Variants in UTP20 observed in about 807,000 individuals in gnomAD.
UTP20 encodes the protein UTP20 small subunit processome component, also known as small subunit processome component 20 homolog.
UTP20 carries 164 observed loss-of-function variants against 329.5 expected under a neutral mutation model. The ratio of observed to expected loss-of-function variants is 0.50; its 90% CI spans 0.44 to 0.57. UTP20 has a LOEUF of 0.57. UTP20 is among the 20% of genes least tolerant of loss of function. The probability of loss-of-function intolerance (pLI) is 0.00; values close to 1 mark genes in which losing one functional copy is unlikely to be tolerated. For missense variants in UTP20, 3,055 were observed against 3,284.2 expected (o/e 0.93, Z 1.71); for synonymous variants, 1,151 against 1,159.3 (o/e 0.99, Z 0.14).
chr12:101,339,928 T>C (rs367914330), intron 31 of UTP20, among the ~76,000 whole-genome samples: 1 of 152,242 alleles, frequency 6.6e-6, no homozygotes, highest in Non-Finnish European at 1.5e-5. Flanking sequence ...TTCTAAGTTA[T>C]GCAGAGTGGG....
At chr12:101,285,381 T>C (rs1370103514) in intron 2 of UTP20, among the ~76,000 whole-genome samples, 189 bp from the exon 3 acceptor site, 1 of 152,212 alleles carries the variant, frequency 6.6e-6, no homozygotes, top group Non-Finnish European at 1.5e-5. Flanking sequence ...CAGCATTTTA[T>C]AAGTGGCCTA....
At chr12:101,313,544 G>A (rs1872864594) in intron 21 of UTP20, among the ~76,000 whole-genome samples, 1 of 152,166 alleles carries the variant, frequency 6.6e-6, no homozygotes, top group African/African-American at 2.4e-5. Context: ...AGAGAGACCA[G>A]TCATGAGGAG....
chr12:101,348,365 A>G (rs779739680), intron 38 of UTP20, among the ~76,000 whole-genome samples: 6 of 151,200 alleles, frequency 4.0e-5, no homozygotes, highest in African/African-American at 1.2e-4. Context: ...TCTTTTTTCT[A>G]TTGGATTAAT....
chr12:101,358,893 T>A (rs1318343671), intron 43 of UTP20, among the ~76,000 whole-genome samples: 1 of 152,184 alleles, frequency 6.6e-6, no homozygotes, highest in Non-Finnish European at 1.5e-5. Flanking sequence ...GTTGTCCCCC[T>A]CTTACTAATA....
At chr12:101,284,582 T>C (rs1192123980) in intron 2 of UTP20, among the ~76,000 whole-genome samples, 1 of 152,146 alleles carries the variant, frequency 6.6e-6, no homozygotes, top group East Asian at 1.9e-4. Flanking sequence ...GGTAGAATGA[T>C]TGTTTTGGGG....
intron 59 of UTP20, 101 bp downstream of exon 59, chr12:101,383,414 G>C: frequency 6.7e-7 from 1 of 1,487,988 alleles, no homozygotes. Context: ...CTTTATCTTT[G>C]AACCCCAAAC....
intron 51 of UTP20, among the ~76,000 whole-genome samples, chr12:101,372,388 G>C (rs143843273): frequency 3.7e-4 from 57 of 152,322 alleles, no homozygotes; most frequent in Non-Finnish European, 7.2e-4. Context: ...CTATTATCAC[G>C]AACTTCTTAA....
intron 21 of UTP20, among the ~76,000 whole-genome samples, chr12:101,312,994 G>A (rs1211837320): frequency 6.6e-6 from 1 of 152,102 alleles, no homozygotes; most frequent in Non-Finnish European, 1.5e-5. Flanking sequence ...TTGCCTGCCT[G>A]GGGCTTGAAG....
At chr12:101,342,677 C>T (rs1156563717) in intron 33 of UTP20, 88 bp downstream of exon 33, 16 of 1,530,562 alleles carry the variant, frequency 1.0e-5, no homozygotes, top group Non-Finnish European at 1.4e-5. Context: ...TTCTTCATGC[C>T]AGGGTGATGT....
chr12:101,337,285 G>C (rs1868964175), intron 29 of UTP20, among the ~76,000 whole-genome samples: 1 of 152,208 alleles, frequency 6.6e-6, no homozygotes, highest in Non-Finnish European at 1.5e-5. Context: ...TCAATGCTAA[G>C]TATGTTAAAG....
chr12:101,302,518 T>C lies in UTP20; in HGVS notation c.1746T>C (p.His582=). 6.2e-7 allele frequency: 1 copy of C among 1,611,262 alleles called. No homozygotes were observed. Among genetic ancestry groups the C allele is most frequent in the East Asian group, 2.2e-5 (1 of 44,774 alleles). ...LSLEESSELL[H]LVPVERVKNL... Reference sequence around the variant, plus strand: ...TGGAAGAATCTTCTGAACTTCTTCATTTGGTTCCTGTGGAACGTGTGAAGA... The same window carrying C: ...TGGAAGAATCTTCTGAACTTCTTCACTTGGTTCCTGTGGAACGTGTGAAGA... Residue 582 remains histidine (H), a synonymous_variant, in exon 15 of 62, where the codon CAT becomes CAC. Transcript: ENST00000261637.
chr12:101,356,945 G>T lies in UTP20; in HGVS notation c.5554G>T (p.Ala1852Ser). Residue 1852 changes from alanine to serine, a missense_variant, in exon 43 of 62, where the codon GCC becomes TCC. By Grantham distance (99) the Ala-to-Ser change is moderately conservative. This residue lies in a region of UTP20 where 2,445 missense variants were observed against 2,575.5 expected (regional missense o/e 0.95). Coordinates refer to ENST00000261637, the MANE Select transcript of UTP20 (RefSeq NM_014503.3). ...TTCTAGTATTTTGCTGAAAGTGTGT[G>T]CCCTACTCAAGAACAGAGCCCAAGA... Reference protein sequence around the residue: ...NLPSILLKVCALLKNRAQEIR... With the variant: ...NLPSILLKVCSLLKNRAQEIR... 6 of 1,610,782 alleles carry T rather than the reference G, an allele frequency of 3.7e-6. No homozygotes were observed. Among genetic ancestry groups the T allele is most frequent in the Non-Finnish European group, 5.1e-6 (6 of 1,179,348 alleles).
intron 21 of UTP20, among the ~76,000 whole-genome samples, chr12:101,314,017 T>C (rs1872881150): frequency 6.6e-6 from 1 of 152,174 alleles, no homozygotes; most frequent in Admixed American, 6.5e-5. Context: ...ATTATCAATA[T>C]ATGGATGGTA....
intron 25 of UTP20, among the ~76,000 whole-genome samples, chr12:101,323,799 A>G (rs1868458597): frequency 6.6e-6 from 1 of 152,178 alleles, no homozygotes. Flanking sequence ...TTCTTTCCAA[A>G]TAGTGTTACC....
chr12:101,346,341 C>A, intron 37 of UTP20, 110 bp from the exon 38 acceptor site: 1 of 1,328,296 alleles, frequency 7.5e-7, no homozygotes, highest in Non-Finnish European at 1.0e-6. Flanking sequence ...TGAGCCACCG[C>A]ACCTGGCCAC....
rs1247763122 is a variant in UTP20 at position 101,362,635 on chromosome 12, T to C, written c.5790+575T>C. ...AGGAAAATCCCCTGAACCTGGGCTG[T>C]GGAGGTTGCAGTGAGCGCAGACCGC... is the stretch of plus-strand genomic sequence containing the variant. On this transcript the variant is annotated intron_variant, in intron 44 of 61. Transcript: ENST00000261637. Among the ~76,000 whole-genome samples, 6 of 132,822 alleles carry C rather than the reference T, an allele frequency of 4.5e-5. 2 individuals are homozygous for C. Among genetic ancestry groups the C allele is most frequent in the African/African-American group, 2.3e-4 (6 of 25,704 alleles). 87.1% of individuals were successfully genotyped at this position (132,822 alleles called of 152,430 possible).
At chr12:101,305,806 T>G in intron 15 of UTP20, 109 bp from the exon 16 acceptor site, 2 of 1,298,262 alleles carry the variant, frequency 1.5e-6, no homozygotes, top group African/African-American at 1.5e-5. Flanking sequence ...CTTTTGCCTG[T>G]TACCTTTTAC....
rs774700772 is a variant in UTP20, at chr12:101,327,167, G to A, written c.3128G>A (p.Arg1043Gln). The A allele has an allele frequency of 9.3e-6, 15 of 1,613,140 alleles. No individual in the cohort carries two copies. Among genetic ancestry groups the A allele is most frequent in the Middle Eastern group, 1.7e-4 (1 of 6,058 alleles). ...GGCACCCGCATGGCCATTGTCCTGC[G>A]GTTCCTGGCCGGGACCCAACCTGAG... Reference protein sequence around the residue: ...ASGTRMAIVLRFLAGTQPEEI... With the variant: ...ASGTRMAIVLQFLAGTQPEEI... Residue 1043 changes from arginine (R) to glutamine (Q), a missense_variant, in exon 26 of 62, where the codon CGG becomes CAG. Around this residue, in one of 3 missense-constraint regions of UTP20, gnomAD observed 2,445 missense variants for 2,575.5 expected, o/e 0.95. Transcript: ENST00000261637.
Position 101,280,190 on chromosome 12 carries a change from A to C in UTP20, c.-93A>C, listed in dbSNP as rs907276176. 14 of 1,455,080 alleles carry C rather than the reference A, an allele frequency of 9.6e-6. No individual in the cohort carries two copies. Among genetic ancestry groups the C allele is most frequent in the African/African-American group, 1.4e-5 (1 of 70,156 alleles). The allele number at this position is 1,455,080 out of a possible 1,614,324, so 90.1% of individuals were successfully genotyped here. On this transcript the variant is annotated 5_prime_UTR_variant, in exon 1 of 62. Coordinates refer to ENST00000261637, the MANE Select transcript of UTP20 (RefSeq NM_014503.3). ...AAGTCTGGGCATCTGGGAATCGGAG[A>C]GTATAGCCTGTGAGCCGCTTTCCCC...
Sources: allele counts gnomAD v4.1 joint callset (sites outside exome capture counted in the v4.1 genomes callset), GRCh38; gene constraint gnomAD v4.1.1; regional missense constraint gnomAD v4.1.1; transcripts MANE v1.5; gene names NCBI Gene and HGNC (gene_info 2026-07-23, HGNC 2026-07-21).